The following HEATR4 variants were observed in gnomAD, a reference collection of about 807,000 sequenced individuals.
HEATR4 encodes HEAT repeat-containing protein 4.
A neutral mutation model predicts 108.8 loss-of-function variants in HEATR4; 95 were observed. The ratio of observed to expected loss-of-function variants is 0.87; its 90% CI spans 0.74 to 1.04. The LOEUF is 1.04. Among genes scored for constraint, HEATR4 ranks in the 50% least tolerant of loss-of-function variants. The probability of loss-of-function intolerance (pLI) is 0.00; values close to 1 mark genes in which losing one functional copy is unlikely to be tolerated. For synonymous variants in HEATR4, 443 were observed against 459.4 expected, an observed-to-expected ratio of 0.96 and a Z score of 0.46; for missense variants, 1,152 against 1,253.8, an observed-to-expected ratio of 0.92 and a Z score of 1.23.
At chr14:73,580,727 G>A in the HEATR4 span, 1 of 152,042 alleles carries the variant, frequency 6.6e-6, no homozygotes, top group Admixed American at 6.6e-5. Flanking sequence ...GGAAATATAT[G>A]ACCAGGTAAT....
intron 7 of HEATR4, among the ~76,000 whole-genome samples, chr14:73,510,286 T>G (rs999933984): frequency 1.3e-5 from 2 of 152,128 alleles, no homozygotes; most frequent in Admixed American, 1.3e-4. Context: ...TAGAGCTCAC[T>G]AGGGAGTCTT....
At chr14:73,589,695 A>G in the HEATR4 span, among the ~76,000 whole-genome samples, 1 of 152,110 alleles carries the variant, frequency 6.6e-6, no homozygotes. Context: ...GCTCCCACCT[A>G]TAATCCTGGT....
chr14:73,600,208 C>T, the HEATR4 span, among the ~76,000 whole-genome samples: 3 of 152,226 alleles, frequency 2.0e-5, no homozygotes, highest in Non-Finnish European at 2.9e-5. Flanking sequence ...TGAAACACAC[C>T]GGAGAACACG....
chr14:73,538,027 A>G (rs1888938045), intron 1 of HEATR4: 1 of 737,792 alleles, frequency 1.4e-6, no homozygotes, highest in Non-Finnish European at 1.8e-6. Context: ...ACCCCGGGCT[A>G]TGTTGCCCAG....
the HEATR4 span, among the ~76,000 whole-genome samples, chr14:73,589,334 C>CT: frequency 8.6e-5 from 13 of 151,784 alleles, no homozygotes; most frequent in East Asian, 5.8e-4. Flanking sequence ...TTTCCCTTTC[C>CT]TTTTTTTGAA....
chr14:73,521,754 G>T (rs907669430), intron 3 of HEATR4, among the ~76,000 whole-genome samples: 9 of 152,270 alleles, frequency 5.9e-5, no homozygotes, highest in Admixed American at 2.0e-4. Flanking sequence ...TGACACACTG[G>T]TTCCTTATTC....
the HEATR4 span, among the ~76,000 whole-genome samples, chr14:73,567,469 G>A: frequency 4.0e-5 from 6 of 151,896 alleles, no homozygotes; most frequent in Non-Finnish European, 7.4e-5. Context: ...AATCAGCACT[G>A]GGTAAAAACG....
chr14:73,504,950 T>A (rs1254280966), intron 10 of HEATR4, among the ~76,000 whole-genome samples: 2 of 151,956 alleles, frequency 1.3e-5, no homozygotes, highest in African/African-American at 2.4e-5. Context: ...TTTTTTTTTT[T>A]AGATGGAGTC....
chr14:73,505,119 G>A (rs190452806), intron 10 of HEATR4, among the ~76,000 whole-genome samples: 1 of 152,122 alleles, frequency 6.6e-6, no homozygotes, highest in African/African-American at 2.4e-5. Context: ...GTTTTGCCAT[G>A]ATGACCAGGC....
intron 11 of HEATR4, among the ~76,000 whole-genome samples, chr14:73,501,928 G>A (rs1269873511): frequency 2.0e-5 from 3 of 151,728 alleles, no homozygotes; most frequent in Non-Finnish European, 4.4e-5. Flanking sequence ...TGTATTTTTA[G>A]TAGAGACAGG....
intron 9 of HEATR4, 50 bp from the exon 10 acceptor site, chr14:73,506,621 A>G (rs1401757507): frequency 2.9e-6 from 4 of 1,376,980 alleles, no homozygotes; most frequent in Non-Finnish European, 4.1e-6. Context: ...TTTTAGAGAT[A>G]CTAGAACCTT....
chr14:73,612,808 GC>G, the HEATR4 span: 1 of 1,418,174 alleles, frequency 7.1e-7, no homozygotes, highest in African/African-American at 1.5e-5. Context: ...AGCCCATGGG[GC>G]TGCTGTGGGC....
the HEATR4 span, among the ~76,000 whole-genome samples, chr14:73,583,694 C>T: frequency 5.3e-5 from 8 of 151,902 alleles, no homozygotes; most frequent in African/African-American, 9.7e-5. Context: ...TTCCTGGGCA[C>T]GTGCATTAAG....
chr14:73,522,726 TG>T lies in HEATR4; in HGVS notation c.426del (p.Asn143IlefsTer6). 6.2e-7 allele frequency: 1 copy of T among 1,614,226 alleles called. No homozygotes were observed. The highest frequency in any genetic ancestry group is 8.5e-7 in the Non-Finnish European group (1 of 1,180,030). On this transcript the variant is annotated frameshift_variant, in exon 3 of 18. Transcript: ENST00000553558. LOFTEE classifies it high-confidence loss of function. The stretch of plus-strand genomic sequence containing the variant: ...GATTTCTTCAGCTTCTTTTCGGGAT[TG>T]GCAGAGCTTTCTGTCTTCACAGCCA... ...TSLAVKTESS[A>X]NPEKKLKKSK... is the part of the protein sequence containing the mutation.
At chr14:73,518,010 C>T (rs1024599399) in intron 5 of HEATR4, among the ~76,000 whole-genome samples, 2 of 152,066 alleles carry the variant, frequency 1.3e-5, no homozygotes, top group Non-Finnish European at 2.9e-5. Flanking sequence ...CACTTGAACC[C>T]AGGAGGCGGA....
chr14:73,565,945 T>C, the HEATR4 span, among the ~76,000 whole-genome samples: 965 of 151,676 alleles, frequency 6.4e-3, 6 homozygotes, highest in African/African-American at 0.022. Flanking sequence ...ATCCTGCTGA[T>C]TGGTAGAGCC....
chr14:73,579,082 C>CA, the HEATR4 span, among the ~76,000 whole-genome samples: 19 of 120,166 alleles, frequency 1.6e-4, no homozygotes, highest in African/African-American at 3.7e-4. Flanking sequence ...GCCTCCATCT[C>CA]AAAAAAAAGA....
chr14:73,626,539 G>A, the HEATR4 span, among the ~76,000 whole-genome samples: 1 of 152,072 alleles, frequency 6.6e-6, no homozygotes. Context: ...ATGTTAAAGT[G>A]CAAGTTTGCC....
At chr14:73,632,419 G>A in the HEATR4 span, among the ~76,000 whole-genome samples, 3 of 152,034 alleles carry the variant, frequency 2.0e-5, no homozygotes, top group African/African-American at 7.2e-5. Flanking sequence ...AGTTTGAAGT[G>A]TTTCCTTCCA....
Sources: gnomAD v4.1 joint callset for allele counts (sites outside exome capture counted in the v4.1 genomes callset) on GRCh38, gnomAD v4.1.1 for gene constraint, MANE v1.5 for transcripts, NCBI Gene and HGNC (gene_info 2026-07-23, HGNC 2026-07-21) for gene names.